Variants in PPP6C observed in about 807,000 individuals in gnomAD.
PPP6C encodes the protein serine/threonine-protein phosphatase 6 catalytic subunit.
PPP6C carries 11 observed loss-of-function variants against 39.8 expected under a neutral mutation model. That is an observed-to-expected ratio of 0.28 (90% CI 0.17 to 0.46). PPP6C has a LOEUF of 0.46. Among genes scored for constraint, PPP6C ranks in the 20% least tolerant of loss-of-function variants. The probability of loss-of-function intolerance (pLI) is 1.00; values close to 1 mark genes in which losing one functional copy is unlikely to be tolerated. For missense variants in PPP6C, 211 were observed against 373.9 expected, an observed-to-expected ratio of 0.56 and a Z score of 3.59; for synonymous variants, 129 against 130.3, an observed-to-expected ratio of 0.99 and a Z score of 0.07.
chr9:125,167,379 C>CAAAAAAAAAAAAAAAAAAAAAAAA (rs758123351), intron 2 of PPP6C, among the ~76,000 whole-genome samples: 1 of 56,084 alleles, frequency 1.8e-5, no homozygotes, highest in African/African-American at 7.6e-5. Context: ...AGACCCTGTC[C>CAAAAAAAAAAAAAAAAAAAAAAAA]AAAAAAAAAA....
rs1232621726 is a variant in PPP6C, at chr9:125,169,967, T to A, written c.171+1118A>T. ...GAGCAGCCCCTAATCAGAGTCAATT[T>A]ACACACATTTCTGCTCATTTACACA... On this transcript the variant is annotated intron_variant, in intron 2 of 6. Transcript: ENST00000373547. Among the ~76,000 whole-genome samples the A allele has an allele frequency of 3.3e-5, 5 of 152,298 alleles. No homozygotes were observed. The East Asian group carries it at 9.6e-4, about 29-fold the overall frequency.
At chr9:125,181,654 A>T (rs1286727367) in intron 1 of PPP6C, among the ~76,000 whole-genome samples, 1 of 152,202 alleles carries the variant, frequency 6.6e-6, no homozygotes, top group African/African-American at 2.4e-5. Flanking sequence ...GTCCCTGCAA[A>T]GTATTCCATG....
chr9:125,181,462 C>A (rs968307461), intron 1 of PPP6C, among the ~76,000 whole-genome samples: 1 of 152,090 alleles, frequency 6.6e-6, no homozygotes, highest in African/African-American at 2.4e-5. Flanking sequence ...ATCGGTATTT[C>A]TCCTAATGAT....
chr9:125,161,285 T>C (rs1336515323), intron 2 of PPP6C, among the ~76,000 whole-genome samples: 1 of 152,162 alleles, frequency 6.6e-6, no homozygotes, highest in Non-Finnish European at 1.5e-5. Flanking sequence ...CAGAAACAAG[T>C]GGATACCTCT....
At chr9:125,165,261 C>T (rs1223381549) in intron 2 of PPP6C, among the ~76,000 whole-genome samples, 2 of 151,860 alleles carry the variant, frequency 1.3e-5, no homozygotes, top group Non-Finnish European at 2.9e-5. Context: ...AGGCCAGGCA[C>T]GGTGACTCAC....
chr9:125,149,336 T>C lies in PPP6C; in HGVS notation c.*337A>G, dbSNP rs1835882155. 1 of 195,878 alleles carries C rather than the reference T, an allele frequency of 5.1e-6. No individual in the cohort carries two copies. The highest frequency in any genetic ancestry group is 5.5e-5 in the Admixed American group (1 of 18,040). The allele number at this position is 195,878 out of a possible 1,614,324, so 12.1% of individuals were successfully genotyped here. Reference sequence around the variant, plus strand: ...CAAAAGGAGGAGTATTTAGGTGTAATCTGTCAATTGGCTTTTAAAAAAAGG... The same window carrying C: ...CAAAAGGAGGAGTATTTAGGTGTAACCTGTCAATTGGCTTTTAAAAAAAGG... On this transcript the variant is annotated 3_prime_UTR_variant, in exon 7 of 7. Transcript: ENST00000373547.
At chr9:125,159,027 AT>A (rs1187635730) in intron 3 of PPP6C, among the ~76,000 whole-genome samples, 3 of 134,132 alleles carry the variant, frequency 2.2e-5, no homozygotes, top group Non-Finnish European at 4.8e-5. Context: ...GCTAACCAGT[AT>A]TTTTTAAGTT....
chr9:125,169,720 G>C (rs1167361905), intron 2 of PPP6C, among the ~76,000 whole-genome samples: 3 of 152,166 alleles, frequency 2.0e-5, no homozygotes, highest in Admixed American at 1.3e-4. Flanking sequence ...ACAAATGTTT[G>C]AGAGAGAAGT....
chr9:125,186,879 A>T (rs1353429926), intron 1 of PPP6C, among the ~76,000 whole-genome samples: 1 of 151,602 alleles, frequency 6.6e-6, no homozygotes, highest in African/African-American at 2.4e-5. Flanking sequence ...TTAAGGTAAG[A>T]AGGAAATCTA....
chr9:125,153,693 A>G lies in PPP6C; in HGVS notation c.509T>C (p.Ile170Thr), dbSNP rs1260591044. 4 of 1,614,158 alleles carry G rather than the reference A, an allele frequency of 2.5e-6. No individual in the cohort carries two copies. The highest frequency in any genetic ancestry group is 1.7e-6 in the Non-Finnish European group (2 of 1,180,032). ...GGTTCGAATTTGATCCAGTGTTTTG[A>G]TATCAGGAGATAAACCACCATGGAC... ...LCVHGGLSPDIKTLDQIRTIE... is the reference protein window; with the variant it reads ...LCVHGGLSPDTKTLDQIRTIE... The change falls in exon 6 of 7, where the codon ATC (isoleucine) becomes ACC (threonine). Residue 170 changes from isoleucine (I) to threonine (T), a missense_variant. Physicochemically the swap from Ile to Thr is moderately conservative, Grantham distance 89 (BLOSUM62 -1). Transcript: ENST00000373547.
At chr9:125,167,397 A>C (rs10986602) in intron 2 of PPP6C, among the ~76,000 whole-genome samples, 1,783 of 129,622 alleles carry the variant, frequency 0.014, 116 homozygotes, top group East Asian at 0.096. Flanking sequence ...AAAAAAAAAA[A>C]AAGAAATAAA....
chr9:125,162,294 C>A (rs1201377488), intron 2 of PPP6C, among the ~76,000 whole-genome samples: 1 of 151,566 alleles, frequency 6.6e-6, no homozygotes, highest in Non-Finnish European at 1.5e-5. Flanking sequence ...CCCATCTCTA[C>A]TAAAAATACA....
chr9:125,150,784 A>G, intron 6 of PPP6C: 2 of 720,666 alleles, frequency 2.8e-6, no homozygotes, highest in South Asian at 2.7e-5. Context: ...GAAATTGGCA[A>G]AAGTGTACGT....
At chr9:125,156,821 T>C (rs1045905072) in intron 4 of PPP6C, among the ~76,000 whole-genome samples, 4 of 151,764 alleles carry the variant, frequency 2.6e-5, no homozygotes, top group Non-Finnish European at 5.9e-5. Flanking sequence ...TTTGCTTTTT[T>C]TCCTTTCTTG....
intron 1 of PPP6C, among the ~76,000 whole-genome samples, chr9:125,174,279 A>T (rs1021550000): frequency 6.6e-6 from 1 of 152,250 alleles, no homozygotes; most frequent in Admixed American, 6.5e-5. Flanking sequence ...CTACAACAAT[A>T]GCTACACAGT....
intron 1 of PPP6C, among the ~76,000 whole-genome samples, chr9:125,188,079 T>C (rs1373622678): frequency 6.6e-6 from 1 of 151,208 alleles, no homozygotes; most frequent in African/African-American, 2.5e-5. Context: ...CAGTAATATA[T>C]TTCCTTAAGA....
At chr9:125,150,793 G>A (rs963627161) in intron 6 of PPP6C, 105 of 724,772 alleles carry the variant, frequency 1.4e-4, no homozygotes, top group South Asian at 3.7e-4. Flanking sequence ...AAAAGTGTAC[G>A]TGGAAAGGAT....
intron 6 of PPP6C, 82 bp downstream of exon 6, chr9:125,153,451 G>T (rs1039984155): frequency 7.6e-7 from 1 of 1,316,732 alleles, no homozygotes; most frequent in Admixed American, 2.1e-5. Flanking sequence ...TAGACTACAA[G>T]TTTGTTATCT....
At chr9:125,165,662 G>A (rs1828996223) in intron 2 of PPP6C, among the ~76,000 whole-genome samples, 1 of 152,066 alleles carries the variant, frequency 6.6e-6, no homozygotes, top group African/African-American at 2.4e-5. Flanking sequence ...CAAAAGGAAG[G>A]AGTATTTTAA....
Sources: gnomAD v4.1 joint callset for allele counts (sites outside exome capture counted in the v4.1 genomes callset) on GRCh38, gnomAD v4.1.1 for gene constraint, MANE v1.5 for transcripts, NCBI Gene and HGNC (gene_info 2026-07-23, HGNC 2026-07-21) for gene names.